TCF20: variants seen among roughly 807,000 people sequenced by gnomAD.
TCF20 encodes transcription factor 20, also known as SPRE-binding protein.
TCF20 carries 3 observed loss-of-function variants against 148.6 expected under a neutral mutation model. That is an observed-to-expected ratio of 0.02 (90% CI 0.01 to 0.05). The LOEUF (loss-of-function observed/expected upper bound fraction) is 0.05, where lower values mean the gene tolerates loss of function less well. Ranked by LOEUF, TCF20 falls within the 10% of genes least tolerant of loss-of-function variation. The probability of loss-of-function intolerance (pLI) is 1.00; values close to 1 mark genes in which losing one functional copy is unlikely to be tolerated. For synonymous variants in TCF20, 1,049 were observed against 909.5 expected (o/e 1.15, Z -2.76); for missense variants, 2,350 against 2,429.3 (o/e 0.97, Z 0.69).
chr22:42,288,227 T>G (rs548132281), upstream of TCF20, among the ~76,000 whole-genome samples: 129 of 152,180 alleles, frequency 8.5e-4, no homozygotes, highest in Admixed American at 3.0e-3. Flanking sequence ...AAACCCCGTC[T>G]ACTAAAAATA....
At chr22:42,184,682 G>A (rs747670825) in intron 2 of TCF20, among the ~76,000 whole-genome samples, 26 of 152,084 alleles carry the variant, frequency 1.7e-4, no homozygotes, top group Non-Finnish European at 2.9e-4. Context: ...CACATTGGGG[G>A]CTCCAAGCAT....
Position 42,160,915 on chromosome 22 carries a change from G to A in TCF20, c.*488C>T, listed in dbSNP as rs1274942205. ...CCCGTCCTTCATGAGATGAGGGTTT[G>A]TTCAGTTCAATCTCACATTTAAATT... is the stretch of plus-strand genomic sequence containing the variant. On this transcript the variant is annotated 3_prime_UTR_variant, in exon 6 of 6. Coordinates refer to ENST00000677622, the MANE Select transcript of TCF20 (RefSeq NM_001378418.1). 6.3e-6 allele frequency: 1 copy of A among 159,114 alleles called. No individual in the cohort carries two copies. The highest frequency in any genetic ancestry group is 2.4e-5 in the African/African-American group (1 of 41,524). 9.9% of individuals were successfully genotyped at this position (159,114 alleles called of 1,614,324 possible).
At chr22:42,283,120 C>T (rs1212993873) in intron 1 of TCF20, among the ~76,000 whole-genome samples, 1 of 152,260 alleles carries the variant, frequency 6.6e-6, no homozygotes, top group African/African-American at 2.4e-5. Context: ...GCTCCCTCGA[C>T]AGCCTGAATG....
At chr22:42,308,827 C>A (rs1927480779) in intron 1 of TCF20, among the ~76,000 whole-genome samples, 1 of 152,126 alleles carries the variant, frequency 6.6e-6, no homozygotes, top group South Asian at 2.1e-4. Context: ...GGCTCCCTGT[C>A]GCTGGCCAGG....
At chr22:42,273,629 G>A (rs545811368), upstream of TCF20, among the ~76,000 whole-genome samples, 3 of 145,512 alleles carry the variant, frequency 2.1e-5, no homozygotes, top group Non-Finnish European at 4.6e-5. Context: ...TTTAAGGAAA[G>A]AACAGTAAAA....
chr22:42,182,190 CTAAA>C (rs899743415), intron 2 of TCF20, among the ~76,000 whole-genome samples: 1 of 152,200 alleles, frequency 6.6e-6, no homozygotes, highest in Non-Finnish European at 1.5e-5. Context: ...GCTCTGGAAC[CTAAA>C]TAACTGCCTG....
intron 5 of TCF20, among the ~76,000 whole-genome samples, chr22:42,168,280 C>A (rs1710013341): frequency 6.6e-6 from 1 of 152,168 alleles, no homozygotes; most frequent in African/African-American, 2.4e-5. Context: ...GCAGGGGCTA[C>A]TGGCAAGAGA....
intron 1 of TCF20, among the ~76,000 whole-genome samples, chr22:42,326,918 C>T (rs1443294697): frequency 1.3e-5 from 2 of 152,236 alleles, no homozygotes; most frequent in Non-Finnish European, 2.9e-5. Context: ...TCACTCAATC[C>T]TTTACCAATC....
At chr22:42,326,625 A>G (rs529085826) in intron 1 of TCF20, among the ~76,000 whole-genome samples, 5 of 152,346 alleles carry the variant, frequency 3.3e-5, no homozygotes, top group Admixed American at 6.5e-5. Context: ...GGAGCCAGGT[A>G]CAGGCTCAGC....
chr22:42,318,349 A>C (rs1422321344), intron 1 of TCF20, among the ~76,000 whole-genome samples: 1 of 152,114 alleles, frequency 6.6e-6, no homozygotes, highest in Non-Finnish European at 1.5e-5. Context: ...CCCCAAAAAG[A>C]CTAGGGCGTA....
In TCF20 at chr22:42,338,528, G is replaced by T. The variant is rs566766069; in HGVS notation, c.-37+4951C>A. Among the ~76,000 whole-genome samples, 1 of 152,350 alleles carries T rather than the reference G, an allele frequency of 6.6e-6. No individual in the cohort carries two copies. The highest frequency in any genetic ancestry group is 2.4e-5 in the African/African-American group (1 of 41,582). ...GCTCGCTCAGGGGCTGCGAGTGGAA[G>T]GGCTGGGAAAATAATTACCGAGGAG... On this transcript the variant is annotated intron_variant, in intron 1 of 1. Coordinates refer to the TCF20 transcript ENST00000515426. This position sits in a 1 kb window ranked among gnomAD's most constrained non-coding sequence, Gnocchi z 4.0.
intron 1 of TCF20, among the ~76,000 whole-genome samples, chr22:42,303,980 T>C (rs554694697): frequency 6.6e-6 from 1 of 152,048 alleles, no homozygotes; most frequent in African/African-American, 2.4e-5. Context: ...CCCAGGTGCC[T>C]GGCAGACCAT....
chr22:42,174,241 C>T (rs1417869657), intron 3 of TCF20, among the ~76,000 whole-genome samples: 2 of 152,176 alleles, frequency 1.3e-5, no homozygotes, highest in African/African-American at 2.4e-5. Context: ...AATTCATTTC[C>T]TCAGTCCCAC....
chr22:42,242,227 A>AAAAAAAAAAAAAAATAAAAAAAAAAT (rs1491280192), intron 1 of TCF20, among the ~76,000 whole-genome samples: 1 of 122,704 alleles, frequency 8.1e-6, no homozygotes. Flanking sequence ...AAAAAAAAAA[A>AAAAAAAAAAAAAAATAAAAAAAAAAT]CAGAAAAGAA....
In TCF20 at chr22:42,290,357, G is replaced by C. The variant is rs577844870; in HGVS notation, c.-37+53122C>G. 2.6e-5 allele frequency among the ~76,000 whole-genome samples: 4 copies of C among 152,374 alleles called. No homozygotes were observed. In the East Asian group the frequency reaches 7.7e-4, roughly 29 times the overall value. On this transcript the variant is annotated intron_variant, in intron 1 of 1. Coordinates refer to the TCF20 transcript ENST00000515426. The surrounding 1 kb of genome is among the most constrained non-coding windows in gnomAD (Gnocchi z 4.2). ...CAGAGCTCCGAGGAACTGGCAGCCA[G>C]GGGCTAGCTAATCCCAGCCAAAACA... is the stretch of plus-strand genomic sequence containing the variant.
At chr22:42,277,253 C>A (rs1926800496) in intron 1 of TCF20, among the ~76,000 whole-genome samples, 1 of 152,250 alleles carries the variant, frequency 6.6e-6, no homozygotes, top group South Asian at 2.1e-4. Context: ...CTTATTCATT[C>A]ATTCAACAAA....
chr22:42,250,760 G>C (rs1308268082), intron 1 of TCF20, among the ~76,000 whole-genome samples: 1 of 152,184 alleles, frequency 6.6e-6, no homozygotes, highest in African/African-American at 2.4e-5. Flanking sequence ...TTGCTATGAA[G>C]GAATACTTAA....
At chr22:42,182,991 C>T (rs905614600) in intron 2 of TCF20, among the ~76,000 whole-genome samples, 2 of 152,240 alleles carry the variant, frequency 1.3e-5, no homozygotes, top group Admixed American at 6.5e-5. Context: ...CCTGCCTTGG[C>T]TTCCCAAAGT....
At chr22:42,294,586 C>A (rs1338270119) in intron 1 of TCF20, among the ~76,000 whole-genome samples, 1 of 152,126 alleles carries the variant, frequency 6.6e-6, no homozygotes, top group African/African-American at 2.4e-5. Context: ...GGTGCTGGGC[C>A]CAGCGGTCAC....
Sources: allele counts gnomAD v4.1 joint callset (sites outside exome capture counted in the v4.1 genomes callset), GRCh38; gene constraint gnomAD v4.1.1; non-coding constraint Gnocchi (gnomAD v3.1); transcripts MANE v1.5; gene names NCBI Gene and HGNC (gene_info 2026-07-23, HGNC 2026-07-21).